CHSY1: variants seen among roughly 807,000 people sequenced by gnomAD.
CHSY1 encodes the protein chondroitin sulfate synthase 1, also known as N-acetylgalactosaminyl-proteoglycan 3-beta-glucuronosyltransferase 1.
CHSY1 carries 13 observed loss-of-function variants against 59.8 expected under a neutral mutation model. The ratio of observed to expected loss-of-function variants is 0.22; its 90% CI spans 0.14 to 0.35. The LOEUF (loss-of-function observed/expected upper bound fraction) is 0.35, where lower values mean the gene tolerates loss of function less well. CHSY1 is among the 10% of genes least tolerant of loss of function. The pLI is 1.00. For synonymous variants in CHSY1, 459 were observed against 401.2 expected, an observed-to-expected ratio of 1.14 and a Z score of -1.72; for missense variants, 947 against 1,030.6, an observed-to-expected ratio of 0.92 and a Z score of 1.11.
At chr15:101,192,140 C>T (rs932470492) in intron 2 of CHSY1, among the ~76,000 whole-genome samples, 1 of 152,174 alleles carries the variant, frequency 6.6e-6, no homozygotes, top group African/African-American at 2.4e-5. Context: ...CTCATTTAAT[C>T]CTCACAATTT....
At chr15:101,199,593 G>T (rs2038549799) in intron 2 of CHSY1, among the ~76,000 whole-genome samples, 1 of 152,178 alleles carries the variant, frequency 6.6e-6, no homozygotes, top group African/African-American at 2.4e-5. Flanking sequence ...TTAAATGACT[G>T]AACTGTGTAT....
At chr15:101,190,497 A>T (rs914981723) in intron 2 of CHSY1, among the ~76,000 whole-genome samples, 1 of 152,216 alleles carries the variant, frequency 6.6e-6, no homozygotes, top group Non-Finnish European at 1.5e-5. Context: ...TGCAAAAGGC[A>T]AAACTGCAAA....
rs369052544 is a variant in CHSY1, at chr15:101,235,297, G to A, written c.601C>T (p.Leu201=). The change falls in exon 2 of 3, where the codon CTG becomes TTG. Residue 201 remains leucine (L), a synonymous_variant. Coordinates refer to ENST00000254190, the MANE Select transcript of CHSY1 (RefSeq NM_014918.5). ...SEPLFLGQTG[L]GTTEEMGKLA... is the part of the protein sequence containing the mutation. ...TTTCCCATTTCTTCCGTGGTGCCCA[G>A]GCCTGTCTGCCCAAGAAAGAGGGGC... 5 of 1,614,030 alleles carry A rather than the reference G, an allele frequency of 3.1e-6. No homozygotes were observed. The highest frequency in any genetic ancestry group is 1.6e-4 in the Middle Eastern group (1 of 6,082).
intron 2 of CHSY1, among the ~76,000 whole-genome samples, chr15:101,185,191 T>G (rs1047196652): frequency 1.3e-4 from 20 of 152,210 alleles, no homozygotes; most frequent in African/African-American, 4.3e-4. Context: ...GAGGCAGAAA[T>G]CAAATATGCT....
intron 2 of CHSY1, among the ~76,000 whole-genome samples, chr15:101,226,672 C>T (rs1018524306): frequency 6.6e-6 from 1 of 152,200 alleles, no homozygotes; most frequent in South Asian, 2.1e-4. Context: ...CTGCACCCCA[C>T]CTCGCTCCAC....
chr15:101,249,574 C>T (rs1437603037), intron 1 of CHSY1, among the ~76,000 whole-genome samples: 1 of 135,670 alleles, frequency 7.4e-6, no homozygotes, highest in Non-Finnish European at 1.5e-5. Context: ...AGTGCAGTGG[C>T]ATGATCTTGG....
intron 2 of CHSY1, among the ~76,000 whole-genome samples, chr15:101,202,428 C>G (rs12913900): frequency 5.5e-5 from 4 of 72,296 alleles, no homozygotes; most frequent in South Asian, 1.2e-3. Context: ...GCAGTGGGAT[C>G]TCAGACACAG....
rs2039109656 is a variant in CHSY1, at chr15:101,251,364, A to G, written c.93T>C (p.Ala31=). 8.6e-7 allele frequency: 1 copy of G among 1,156,504 alleles called. No individual in the cohort carries two copies. The highest frequency in any genetic ancestry group is 1.7e-5 in the South Asian group (1 of 58,436). The allele number at this position is 1,156,504 out of a possible 1,614,324, so 71.6% of individuals were successfully genotyped here. A position where few individuals can be genotyped will look rare whatever the true frequency, so the allele number is the denominator to read the frequency against. The change falls in exon 1 of 3, where the codon GCT becomes GCC. Residue 31 remains alanine (A), a synonymous_variant. Transcript: ENST00000254190. ...GTGGGCCCGCTCGCTTCAGCTCGGA[A>G]GCCCGGGGCAGGACGAGCCGCGAGG... ...VLASRLVLPR[A]SELKRAGPRR...
At chr15:101,212,734 T>C (rs1309157093) in intron 2 of CHSY1, among the ~76,000 whole-genome samples, 2 of 152,222 alleles carry the variant, frequency 1.3e-5, no homozygotes, top group African/African-American at 4.8e-5. Context: ...TTAAGATTTG[T>C]GCATTTTGTT....
chr15:101,228,230 G>A (rs2038859839), intron 2 of CHSY1, among the ~76,000 whole-genome samples: 1 of 151,878 alleles, frequency 6.6e-6, no homozygotes, highest in African/African-American at 2.4e-5. Context: ...GAAAGAGAAA[G>A]AAAACAGGAG....
chr15:101,220,017 G>A (rs2038772987), intron 2 of CHSY1, among the ~76,000 whole-genome samples: 1 of 152,166 alleles, frequency 6.6e-6, no homozygotes, highest in Admixed American at 6.5e-5. Context: ...GCCTCCCAAA[G>A]TGCTGGGATT....
At chr15:101,237,556 C>T (rs938983412) in intron 1 of CHSY1, among the ~76,000 whole-genome samples, 1 of 151,956 alleles carries the variant, frequency 6.6e-6, no homozygotes, top group Non-Finnish European at 1.5e-5. Context: ...GGTTGCCCGT[C>T]GACAGAGGGA....
intron 2 of CHSY1, among the ~76,000 whole-genome samples, chr15:101,204,524 G>A (rs1280464861): frequency 6.6e-6 from 1 of 151,302 alleles, no homozygotes; most frequent in Non-Finnish European, 1.5e-5. Flanking sequence ...TAATAATCAG[G>A]GAATTTGGGT....
chr15:101,218,058 A>G (rs1031970532), intron 2 of CHSY1, among the ~76,000 whole-genome samples: 4 of 152,242 alleles, frequency 2.6e-5, no homozygotes, highest in Non-Finnish European at 5.9e-5. Flanking sequence ...TCAGAAATCC[A>G]TAACGCCAAT....
At chr15:101,199,004 A>G (rs536518425) in intron 2 of CHSY1, among the ~76,000 whole-genome samples, 1 of 152,262 alleles carries the variant, frequency 6.6e-6, no homozygotes, top group South Asian at 2.1e-4. Flanking sequence ...TCGCCTAAAG[A>G]AACTCATTCC....
intron 2 of CHSY1, among the ~76,000 whole-genome samples, chr15:101,223,621 G>A (rs1349613704): frequency 2.8e-5 from 2 of 72,524 alleles, no homozygotes; most frequent in African/African-American, 1.2e-4. Flanking sequence ...TTCCACACTG[G>A]GACTCAGGCC....
At chr15:101,184,199 C>T (rs981422516) in intron 2 of CHSY1, among the ~76,000 whole-genome samples, 1 of 152,110 alleles carries the variant, frequency 6.6e-6, no homozygotes, top group Non-Finnish European at 1.5e-5. Flanking sequence ...TTAGAAGCTG[C>T]CTACGGTTGT....
intron 2 of CHSY1, among the ~76,000 whole-genome samples, chr15:101,183,310 A>G (rs972154347): frequency 6.6e-6 from 1 of 152,246 alleles, no homozygotes; most frequent in African/African-American, 2.4e-5. Context: ...AAAAGTATCC[A>G]GTATAAAAAC....
chr15:101,203,548 G>A (rs1353949171), intron 2 of CHSY1, among the ~76,000 whole-genome samples: 1 of 152,184 alleles, frequency 6.6e-6, no homozygotes, highest in Non-Finnish European at 1.5e-5. Flanking sequence ...ATTAGTGGAT[G>A]ATGCTTACAG....
Sources: allele counts gnomAD v4.1 joint callset (sites outside exome capture counted in the v4.1 genomes callset), GRCh38; gene constraint gnomAD v4.1.1; transcripts MANE v1.5; gene names NCBI Gene and HGNC (gene_info 2026-07-23, HGNC 2026-07-21).